Variants in TADA2B observed in about 807,000 individuals in gnomAD.
TADA2B encodes the protein transcriptional adapter 2-beta.
In TADA2B, 13 loss-of-function variants were observed where a neutral mutation model predicts 34.5. The ratio of observed to expected loss-of-function variants is 0.38; its 90% CI spans 0.25 to 0.60. TADA2B has a LOEUF of 0.60. TADA2B is among the 20% of genes least tolerant of loss of function. The pLI is 0.65. For missense variants in TADA2B, 442 were observed against 575.0 expected, an observed-to-expected ratio of 0.77 and a Z score of 2.37; for synonymous variants, 240 against 243.4, an observed-to-expected ratio of 0.99 and a Z score of 0.13.
chr4:7,054,791 G>A lies in TADA2B; in HGVS notation c.1000G>A (p.Gly334Ser), dbSNP rs1301926993. Residue 334 changes from glycine (G) to serine (S), a missense_variant, in exon 2 of 2, where the codon GGC becomes AGC. Gly to Ser is a moderately conservative substitution (Grantham distance 56, BLOSUM62 0). Around this residue, in one of 4 missense-constraint regions of TADA2B, gnomAD observed 114 missense variants for 144.7 expected, o/e 0.79. Transcript: ENST00000310074. ...LAGSKRGKED[G>S]KDSEFAAIEN... ...CGGCTCCAAACGGGGAAAGGAGGAC[G>A]GCAAAGACAGCGAGTTCGCCGCCAT... 3.7e-6 allele frequency: 6 copies of A among 1,613,770 alleles called. No individual in the cohort carries two copies. The South Asian group carries it at 4.4e-5, about 12-fold the overall frequency.
intron 1 of TADA2B, among the ~76,000 whole-genome samples, chr4:7,052,670 A>G (rs1214384305): frequency 1.3e-5 from 2 of 152,220 alleles, no homozygotes; most frequent in Admixed American, 6.5e-5. Flanking sequence ...GCTGCCGGCA[A>G]TAGTTGTGAC....
chr4:7,051,992 G>T (rs1417334336), intron 1 of TADA2B, among the ~76,000 whole-genome samples: 5 of 152,238 alleles, frequency 3.3e-5, no homozygotes, highest in Non-Finnish European at 7.3e-5. Context: ...CAATGCCAGG[G>T]GGGCCCCACT....
chr4:7,054,632 G>T lies in TADA2B; in HGVS notation c.841G>T (p.Glu281Ter), dbSNP rs1723847012. The change falls in exon 2 of 2, where the codon GAA becomes TAA. Residue 281 changes from glutamate to a stop codon, truncating the protein, a stop_gained. Transcript: ENST00000310074. LOFTEE classifies it high-confidence loss of function. ...FDDLFENMHK[E>*]KMLRAKIREL... ...TGACCTTTTTGAAAACATGCACAAA[G>T]AAAAAATGCTCCGGGCCAAGATCCG... 6.2e-7 allele frequency: 1 copy of T among 1,613,750 alleles called. No individual in the cohort carries two copies. The highest frequency in any genetic ancestry group is 8.5e-7 in the Non-Finnish European group (1 of 1,179,872).
Position 7,054,980 on chromosome 4 carries a change from C to G in TADA2B, c.1189C>G (p.Leu397Val). 6.2e-7 allele frequency: 1 copy of G among 1,613,824 alleles called. No homozygotes were observed. Among genetic ancestry groups the G allele is most frequent in the Non-Finnish European group, 8.5e-7 (1 of 1,179,866 alleles). The change falls in exon 2 of 2, where the codon CTG becomes GTG. Residue 397 changes from leucine (L) to valine (V), a missense_variant. Leu to Val is a conservative substitution (Grantham distance 32). Transcript: ENST00000310074. ...IPSKSRLPSYLDKVLKKRILN... is the reference protein window; with the variant it reads ...IPSKSRLPSYVDKVLKKRILN... ...CTCCAAAAGCCGCCTTCCTAGCTAC[C>G]TGGACAAAGTCCTAAAGAAAAGGAT...
In TADA2B at chr4:7,054,817, T is replaced by C; in HGVS notation, c.1026T>C (p.Ile342=). 6.2e-7 allele frequency: 1 copy of C among 1,613,878 alleles called. No individual in the cohort carries two copies. Among genetic ancestry groups the C allele is most frequent in the South Asian group, 1.1e-5 (1 of 91,080 alleles). ...EDGKDSEFAA[I]ENLPGFELLS... is the part of the protein sequence containing the mutation. ...GCAAAGACAGCGAGTTCGCCGCCATTGAGAACCTTCCAGGCTTCGAGCTCC... is the reference window on the plus strand; with the variant it reads ...GCAAAGACAGCGAGTTCGCCGCCATCGAGAACCTTCCAGGCTTCGAGCTCC... The change falls in exon 2 of 2, where the codon ATT becomes ATC. Residue 342 remains isoleucine, a synonymous_variant. Coordinates refer to ENST00000310074, the MANE Select transcript of TADA2B (RefSeq NM_152293.3).
intron 1 of TADA2B, among the ~76,000 whole-genome samples, chr4:7,051,815 T>A (rs1474721806): frequency 1.3e-5 from 2 of 152,196 alleles, no homozygotes; most frequent in East Asian, 3.9e-4. Flanking sequence ...GCCAGGATGG[T>A]CTCGATCTCC....
intron 1 of TADA2B, among the ~76,000 whole-genome samples, chr4:7,048,595 C>T (rs1160304131): frequency 6.6e-6 from 1 of 152,146 alleles, no homozygotes; most frequent in Non-Finnish European, 1.5e-5. Context: ...ATACGTGTAA[C>T]ATAAAATTTA....
intron 1 of TADA2B, among the ~76,000 whole-genome samples, chr4:7,050,405 G>A (rs1288531716): frequency 1.3e-5 from 2 of 152,262 alleles, no homozygotes; most frequent in East Asian, 1.9e-4. Context: ...CTGGGGAACT[G>A]AGCCTTCCTG....
intron 1 of TADA2B, among the ~76,000 whole-genome samples, chr4:7,049,731 C>T (rs976027650): frequency 6.6e-6 from 1 of 152,206 alleles, no homozygotes; most frequent in African/African-American, 2.4e-5. Context: ...GGGGGTGACC[C>T]GGTGTCCTCA....
intron 1 of TADA2B, among the ~76,000 whole-genome samples, chr4:7,051,522 C>G (rs1040525298): frequency 1.3e-5 from 2 of 152,136 alleles, no homozygotes; most frequent in Non-Finnish European, 2.9e-5. Flanking sequence ...TCCAGACTTC[C>G]AGATTTTTGA....
At chr4:7,047,056 C>T (rs769512326) in intron 1 of TADA2B, among the ~76,000 whole-genome samples, 20 of 152,086 alleles carry the variant, frequency 1.3e-4, no homozygotes, top group Non-Finnish European at 1.9e-4. Context: ...AAGCAGTGGC[C>T]TAGAGTCAGA....
At position 7,043,525 on chromosome 4, in the gene TADA2B, G is replaced by C; in HGVS notation, c.-55G>C. On this transcript the variant is annotated 5_prime_UTR_variant, in exon 1 of 2. Transcript: ENST00000310074. ...GTCCCGCGGGCGGCGGGGCGCTGAC[G>C]GCCGGGGGCGCGGCGGCTGCGGCGG... 15 of 1,027,010 alleles carry C rather than the reference G, an allele frequency of 1.5e-5. No homozygotes were observed. Among genetic ancestry groups the C allele is most frequent in the Non-Finnish European group, 1.8e-5 (15 of 854,516 alleles). The allele number at this position is 1,027,010 out of a possible 1,614,324, so 63.6% of individuals were successfully genotyped here.
chr4:7,046,992 G>A (rs921560090), intron 1 of TADA2B, among the ~76,000 whole-genome samples: 3 of 152,152 alleles, frequency 2.0e-5, no homozygotes, highest in African/African-American at 7.2e-5. Context: ...GTTTGATAGC[G>A]AGGGGCAGAG....
rs1306387672 is a variant in TADA2B at position 7,043,695 on chromosome 4, G to A, written c.116G>A (p.Gly39Asp). The part of the protein sequence containing the change: ...IELCPECFSA[G>D]AEIGHHRRYH... ...CTGTGCCCCGAGTGCTTCTCGGCCG[G>A]CGCCGAGATCGGCCACCACCGCCGC... The change falls in exon 1 of 2, where the codon GGC becomes GAC. Residue 39 changes from glycine (G) to aspartate (D), a missense_variant. Gly to Asp is a moderately conservative substitution (Grantham distance 94). This residue lies in a region of TADA2B where 102 missense variants were observed against 177.2 expected (regional missense o/e 0.58). Coordinates refer to ENST00000310074, the MANE Select transcript of TADA2B (RefSeq NM_152293.3). The A allele has an allele frequency of 6.3e-7, 1 of 1,586,976 alleles. No homozygotes were observed. The highest frequency in any genetic ancestry group is 8.5e-7 in the Non-Finnish European group (1 of 1,170,968).
intron 1 of TADA2B, among the ~76,000 whole-genome samples, chr4:7,052,360 G>C (rs192756825): frequency 1.3e-5 from 2 of 152,388 alleles, no homozygotes; most frequent in East Asian, 3.9e-4. Flanking sequence ...GCGGGCGTTA[G>C]GGACTGTTGT....
rs115526396 is a variant in TADA2B, at chr4:7,057,261, G to A, written c.*2207G>A. On this transcript the variant is annotated 3_prime_UTR_variant, in exon 2 of 2. Coordinates refer to ENST00000310074, the MANE Select transcript of TADA2B (RefSeq NM_152293.3). ...AGTATGTATATCTTTTTGATGGTAT[G>A]AAGAATTTATTTAGGCTTGACTGTT... 6.6e-6 allele frequency: 1 copy of A among 152,196 alleles called. No individual in the cohort carries two copies. The highest frequency in any genetic ancestry group is 6.5e-5 in the Admixed American group (1 of 15,280). The allele number at this position is 152,196 out of a possible 1,614,324, so 9.4% of individuals were successfully genotyped here. A position where few individuals can be genotyped will look rare whatever the true frequency, so the allele number is the denominator to read the frequency against.
Position 7,043,745 on chromosome 4 carries a change from G to A in TADA2B, c.166G>A (p.Gly56Ser). The A allele has an allele frequency of 1.3e-6, 2 of 1,585,834 alleles. No individual in the cohort carries two copies. The highest frequency in any genetic ancestry group is 1.7e-6 in the Non-Finnish European group (2 of 1,171,766). The change falls in exon 1 of 2, where the codon GGC becomes AGC. Residue 56 changes from glycine to serine, a missense_variant. By Grantham distance (56) the Gly-to-Ser change is moderately conservative. Coordinates refer to ENST00000310074, the MANE Select transcript of TADA2B (RefSeq NM_152293.3). ...RRYHGYQLVD[G>S]GRFTLWGPEA... The stretch of plus-strand genomic sequence containing the variant: ...CTACCACGGCTACCAGCTGGTGGAC[G>A]GCGGGCGCTTCACGCTCTGGGGGCC...
chr4:7,045,078 G>C (rs1723592203), intron 1 of TADA2B: 1 of 152,280 alleles, frequency 6.6e-6, no homozygotes, highest in Admixed American at 6.5e-5. Flanking sequence ...TGTGTTCTGT[G>C]CGGATTCTAC....
At chr4:7,050,787 G>T (rs536195650) in intron 1 of TADA2B, among the ~76,000 whole-genome samples, 1 of 152,256 alleles carries the variant, frequency 6.6e-6, no homozygotes, top group African/African-American at 2.4e-5. Context: ...GAAGCCCAGC[G>T]TCCGGCTTCG....
Sources: allele counts gnomAD v4.1 joint callset (sites outside exome capture counted in the v4.1 genomes callset), GRCh38; gene constraint gnomAD v4.1.1; regional missense constraint gnomAD v4.1.1; transcripts MANE v1.5; gene names NCBI Gene and HGNC (gene_info 2026-07-23, HGNC 2026-07-21).